FBXO33: variants seen among roughly 807,000 people sequenced by gnomAD.
FBXO33 encodes the protein F-box protein 33.
FBXO33 carries 22 observed loss-of-function variants against 46.3 expected under a neutral mutation model. The observed-to-expected ratio is 0.48, with a 90% CI of 0.34 to 0.68. FBXO33 has a LOEUF of 0.68. Among genes scored for constraint, FBXO33 ranks in the 30% least tolerant of loss-of-function variants. The pLI is 0.01. For synonymous variants in FBXO33, 337 were observed against 291.3 expected, an observed-to-expected ratio of 1.16 and a Z score of -1.60; for missense variants, 692 against 708.8, an observed-to-expected ratio of 0.98 and a Z score of 0.27.
intron 1 of FBXO33, among the ~76,000 whole-genome samples, chr14:39,412,465 A>T (rs1231685464): frequency 6.6e-6 from 1 of 152,202 alleles, no homozygotes; most frequent in Non-Finnish European, 1.5e-5. Flanking sequence ...TCTTACAGGC[A>T]GCACATGGTT....
intron 1 of FBXO33, among the ~76,000 whole-genome samples, chr14:39,424,488 C>A (rs1352511446): frequency 6.6e-6 from 1 of 150,938 alleles, no homozygotes; most frequent in Non-Finnish European, 1.5e-5. Flanking sequence ...AGTGTATTTA[C>A]CTTAGTTTAT....
chr14:39,399,888 A>G, intron 3 of FBXO33, 101 bp from the exon 4 acceptor site: 1 of 1,274,478 alleles, frequency 7.8e-7, no homozygotes, highest in Non-Finnish European at 1.0e-6. Flanking sequence ...AGAAGCTTCA[A>G]ATTTGTATCT....
rs1337413999 is a variant in FBXO33 at position 39,398,019 on chromosome 14, C to CATA, written c.*1496_*1497insTAT. The CATA allele has an allele frequency of 6.6e-6, 1 of 152,626 alleles. No homozygotes were observed. Among genetic ancestry groups the CATA allele is most frequent in the African/African-American group, 2.4e-5 (1 of 41,440 alleles). The allele number at this position is 152,626 out of a possible 1,614,324, so 9.5% of individuals were successfully genotyped here. A position where few individuals can be genotyped will look rare whatever the true frequency, so the allele number is the denominator to read the frequency against. The stretch of plus-strand genomic sequence containing the variant: ...AAACAGTGCACACCTGTCAAAAGGT[C>CATA]ATTTTAATATAAGATGGTAAAACCA... On this transcript the variant is annotated 3_prime_UTR_variant, in exon 4 of 4. Coordinates refer to ENST00000298097, the MANE Select transcript of FBXO33 (RefSeq NM_203301.4).
intron 1 of FBXO33, among the ~76,000 whole-genome samples, chr14:39,424,125 T>C (rs920401345): frequency 3.9e-5 from 6 of 152,236 alleles, no homozygotes; most frequent in African/African-American, 1.4e-4. Flanking sequence ...ATGCCAGTCA[T>C]ACTTGCACTA....
chr14:39,423,490 G>A (rs573926748), intron 1 of FBXO33, among the ~76,000 whole-genome samples: 21 of 152,262 alleles, frequency 1.4e-4, no homozygotes, highest in Admixed American at 1.3e-3. Flanking sequence ...TATGCAGATA[G>A]CAGCAATGAT....
intron 1 of FBXO33, among the ~76,000 whole-genome samples, chr14:39,415,339 C>G (rs1455081033): frequency 6.6e-6 from 1 of 152,110 alleles, no homozygotes; most frequent in African/African-American, 2.4e-5. Context: ...AAAGATATAA[C>G]AAGAAACACA....
intron 1 of FBXO33, among the ~76,000 whole-genome samples, chr14:39,424,677 A>C (rs934891556): frequency 4.6e-5 from 7 of 152,248 alleles, no homozygotes; most frequent in African/African-American, 1.7e-4. Context: ...GGAAAACCGC[A>C]AAATGCAGCT....
intron 1 of FBXO33, among the ~76,000 whole-genome samples, chr14:39,416,031 C>T (rs961797576): frequency 1.3e-5 from 2 of 152,126 alleles, no homozygotes; most frequent in African/African-American, 4.8e-5. Flanking sequence ...TAGTACAATA[C>T]AATATTATTC....
Position 39,432,069 on chromosome 14 carries a change from G to A in FBXO33, c.94C>T (p.Leu32=), listed in dbSNP as rs1595991259. ...ARVARWRRLR[L]QQLRRLRGLL... is the part of the protein sequence containing the mutation. ...CCCCGCAGCCGTCGCAGCTGCTGCA[G>A]CCGCAGCCGCCGCCACCGCGCCACC... Residue 32 remains leucine (L), a synonymous_variant, in exon 1 of 4, where the codon CTG becomes TTG. Coordinates refer to ENST00000298097, the MANE Select transcript of FBXO33 (RefSeq NM_203301.4). The A allele has an allele frequency of 8.0e-7, 1 of 1,243,606 alleles. No individual in the cohort carries two copies. Among genetic ancestry groups the A allele is most frequent in the Admixed American group, 4.2e-5 (1 of 23,912 alleles). The allele number at this position is 1,243,606 out of a possible 1,614,324, so 77.0% of individuals were successfully genotyped here. A position where few individuals can be genotyped will look rare whatever the true frequency, so the allele number is the denominator to read the frequency against.
At chr14:39,417,780 C>A (rs576514271) in intron 1 of FBXO33, among the ~76,000 whole-genome samples, 3 of 152,290 alleles carry the variant, frequency 2.0e-5, no homozygotes, top group African/African-American at 7.2e-5. Flanking sequence ...CCACTCGCCT[C>A]GGCCTCCCAA....
Position 39,432,135 on chromosome 14 carries a change from G to C in FBXO33, c.28C>G (p.Pro10Ala). ...CGGGTTCGAGCTCCCGGCGGTCGGG[G>C]CTGCGGCACTGACAAGAACAACAAC... MLLFLSVPQ[P>A]RPPGARTRAG... Residue 10 changes from proline to alanine, a missense_variant, in exon 1 of 4, where the codon CCC (proline) becomes GCC (alanine). By Grantham distance (27) the Pro-to-Ala change is conservative. Transcript: ENST00000298097. 6.4e-6 allele frequency: 8 copies of C among 1,240,584 alleles called. No individual in the cohort carries two copies. The highest frequency in any genetic ancestry group is 8.1e-6 in the Non-Finnish European group (8 of 993,516). 76.8% of individuals were successfully genotyped at this position (1,240,584 alleles called of 1,614,324 possible).
chr14:39,414,573 C>G (rs1245440813), intron 1 of FBXO33, among the ~76,000 whole-genome samples: 1 of 152,244 alleles, frequency 6.6e-6, no homozygotes, highest in Non-Finnish European at 1.5e-5. Flanking sequence ...TTAATCATTT[C>G]TAGCTTTTGA....
chr14:39,424,765 T>C lies in FBXO33; in HGVS notation c.599+6799A>G, dbSNP rs556862219. Reference sequence around the variant, plus strand: ...ATAGAAAACATACAACTTAAGTATGTATGTTAAGGCTGGGTGCAGTGACTC... The same window carrying C: ...ATAGAAAACATACAACTTAAGTATGCATGTTAAGGCTGGGTGCAGTGACTC... On this transcript the variant is annotated intron_variant, in intron 1 of 3. Transcript: ENST00000298097. 4.6e-5 allele frequency among the ~76,000 whole-genome samples: 7 copies of C among 152,204 alleles called. No individual in the cohort carries two copies. In the South Asian group the frequency reaches 8.3e-4, roughly 18 times the overall value.
intron 1 of FBXO33, among the ~76,000 whole-genome samples, chr14:39,420,094 G>A (rs2075473496): frequency 6.6e-6 from 1 of 152,192 alleles, no homozygotes; most frequent in African/African-American, 2.4e-5. Context: ...ACAGCCTACA[G>A]ACTGCTCTCC....
chr14:39,405,876 C>G (rs1448628108), intron 1 of FBXO33, among the ~76,000 whole-genome samples: 1 of 97,328 alleles, frequency 1.0e-5, no homozygotes, highest in Admixed American at 1.0e-4. Flanking sequence ...TTTTCTTGAC[C>G]TTTAAAAAGT....
chr14:39,408,448 C>T (rs1367397615), intron 1 of FBXO33, among the ~76,000 whole-genome samples: 3 of 152,014 alleles, frequency 2.0e-5, no homozygotes, highest in Non-Finnish European at 2.9e-5. Context: ...TTGAGTTATA[C>T]GAGTTACCAT....
intron 1 of FBXO33, among the ~76,000 whole-genome samples, chr14:39,417,934 G>T (rs764894137): frequency 1.3e-5 from 2 of 152,098 alleles, no homozygotes; most frequent in Non-Finnish European, 2.9e-5. Context: ...AAAAATACAT[G>T]ATATAATCAA....
rs556683575 is a variant in FBXO33 at position 39,423,532 on chromosome 14, T to A, written c.599+8032A>T. Among the ~76,000 whole-genome samples, 6 of 151,076 alleles carry A rather than the reference T, an allele frequency of 4.0e-5. 1 individual carries two copies. The South Asian group carries it at 1.2e-3, about 31-fold the overall frequency. ...ATACAAAAACTGGAAAAAATTCAAA[T>A]GTCCATCAGCAATAGAATAGATAAA... On this transcript the variant is annotated intron_variant, in intron 1 of 3. Coordinates refer to ENST00000298097, the MANE Select transcript of FBXO33 (RefSeq NM_203301.4).
chr14:39,404,791 A>C (rs1425173612), intron 1 of FBXO33, among the ~76,000 whole-genome samples: 1 of 152,172 alleles, frequency 6.6e-6, no homozygotes, highest in Admixed American at 6.5e-5. Context: ...TGAAATGATG[A>C]CGTAGAGGTA....
Sources: gnomAD v4.1 joint callset for allele counts (sites outside exome capture counted in the v4.1 genomes callset) on GRCh38, gnomAD v4.1.1 for gene constraint, MANE v1.5 for transcripts, NCBI Gene and HGNC (gene_info 2026-07-23, HGNC 2026-07-21) for gene names.